Variants in SKAP2 observed in about 807,000 individuals in gnomAD.
The protein encoded by SKAP2 is src kinase-associated phosphoprotein 2.
In SKAP2, 28 loss-of-function variants were observed where a neutral mutation model predicts 54.9. That is an observed-to-expected ratio of 0.51 (90% confidence interval 0.38 to 0.70). The LOEUF is 0.70. SKAP2 is among the 30% of genes least tolerant of loss of function. The pLI is 0.00. For synonymous variants in SKAP2, 137 were observed against 134.3 expected, an observed-to-expected ratio of 1.02 and a Z score of -0.14; for missense variants, 356 against 424.1, an observed-to-expected ratio of 0.84 and a Z score of 1.41.
At chr7:26,737,959 A>AT (rs1456561173) in intron 6 of SKAP2, among the ~76,000 whole-genome samples, 1 of 152,162 alleles carries the variant, frequency 6.6e-6, no homozygotes, top group African/African-American at 2.4e-5. Flanking sequence ...AAAATCCCAA[A>AT]TTTGAGCTGG....
At chr7:26,694,369 T>C (rs944190902) in intron 9 of SKAP2, among the ~76,000 whole-genome samples, 5 of 152,284 alleles carry the variant, frequency 3.3e-5, no homozygotes, top group South Asian at 2.1e-4. Context: ...ATAAGCAGCT[T>C]GTATTTACAT....
downstream of SKAP2, among the ~76,000 whole-genome samples, chr7:26,665,193 T>G (rs979981836): frequency 3.3e-5 from 5 of 152,138 alleles, no homozygotes; most frequent in African/African-American, 1.2e-4. Flanking sequence ...AGGGCAGCAG[T>G]GATTTGAGAT....
chr7:26,757,698 C>A (rs999925712), intron 4 of SKAP2, among the ~76,000 whole-genome samples: 1 of 152,052 alleles, frequency 6.6e-6, no homozygotes, highest in African/African-American at 2.4e-5. Context: ...TAGTTTTTTC[C>A]AATTCTGTGA....
intron 6 of SKAP2, among the ~76,000 whole-genome samples, chr7:26,736,759 T>C (rs1026232235): frequency 6.6e-6 from 1 of 152,100 alleles, no homozygotes; most frequent in African/African-American, 2.4e-5. Flanking sequence ...GTAGTTAAAA[T>C]GCAAATTACA....
intron 4 of SKAP2, among the ~76,000 whole-genome samples, chr7:26,747,824 TCTC>T (rs758195024): frequency 1.3e-5 from 2 of 149,956 alleles, no homozygotes; most frequent in Admixed American, 6.7e-5. Context: ...TCTCCTCTCT[TCTC>T]CTCTCCTTTC....
At position 26,668,993 on chromosome 7, in the gene SKAP2, AT is replaced by A. The variant is rs1348175485; in HGVS notation, c.*672del. The A allele has an allele frequency of 1.3e-5, 2 of 152,122 alleles. No individual in the cohort carries two copies. Among genetic ancestry groups the A allele is most frequent in the African/African-American group, 4.8e-5 (2 of 41,424 alleles). The allele number at this position is 152,122 out of a possible 1,614,324, so 9.4% of individuals were successfully genotyped here. A position where few individuals can be genotyped will look rare whatever the true frequency, so the allele number is the denominator to read the frequency against. Reference sequence around the variant, plus strand: ...GCCAGGCCCATCATCGCACCAGGATATTTGTACGGTAAAATGCTTTGCATGA... The same window carrying A: ...GCCAGGCCCATCATCGCACCAGGATATTGTACGGTAAAATGCTTTGCATGA... On this transcript the variant is annotated 3_prime_UTR_variant, in exon 13 of 13. Transcript: ENST00000345317.
intron 9 of SKAP2, among the ~76,000 whole-genome samples, chr7:26,722,115 T>C (rs967119682): frequency 3.3e-5 from 5 of 152,218 alleles, no homozygotes; most frequent in African/African-American, 1.2e-4. Context: ...AGGATTAGGA[T>C]ATTTGAAGAA....
At chr7:26,850,243 A>G (rs17376018) in intron 3 of SKAP2, among the ~76,000 whole-genome samples, 32,380 of 152,084 alleles carry the variant, frequency 0.21, 3,539 homozygotes, top group Non-Finnish European at 0.24. Flanking sequence ...ATACTTTATA[A>G]TATGAGGCAA....
downstream of SKAP2, among the ~76,000 whole-genome samples, chr7:26,666,548 G>A (rs570906996): frequency 2.6e-4 from 40 of 152,174 alleles, no homozygotes; most frequent in Non-Finnish European, 4.7e-4. Flanking sequence ...AAGTGGTTGT[G>A]TAATGATAGC....
chr7:26,693,333 A>G (rs1188079001), intron 9 of SKAP2, among the ~76,000 whole-genome samples: 12 of 1,264 alleles, frequency 9.5e-3, no homozygotes, highest in Non-Finnish European at 0.042. Context: ...GCTCCATCTC[A>G]AAAAAAAAAA....
At chr7:26,655,721 T>C in the SKAP2 span, among the ~76,000 whole-genome samples, 1 of 152,242 alleles carries the variant, frequency 6.6e-6, no homozygotes, top group Non-Finnish European at 1.5e-5. Context: ...AAATAATGAC[T>C]GTCTACCTAT....
rs1157299927 is a variant in SKAP2 at position 26,739,533 on chromosome 7, G to A, written c.385+354C>T. 2.0e-5 allele frequency among the ~76,000 whole-genome samples: 3 copies of A among 152,316 alleles called. No homozygotes were observed. In the East Asian group the frequency reaches 5.8e-4, roughly 29 times the overall value. On this transcript the variant is annotated intron_variant, in intron 5 of 12. Coordinates refer to ENST00000345317, the MANE Select transcript of SKAP2 (RefSeq NM_003930.5). Reference sequence around the variant, plus strand: ...TTGATCTGAACCATGGTGCATGCCAGTTTGGGCATAGGAGAACCTGCTGCT... The same window carrying A: ...TTGATCTGAACCATGGTGCATGCCAATTTGGGCATAGGAGAACCTGCTGCT...
downstream of SKAP2, among the ~76,000 whole-genome samples, chr7:26,662,679 A>T (rs966434804): frequency 3.9e-5 from 6 of 152,182 alleles, no homozygotes; most frequent in Admixed American, 3.9e-4. Context: ...AGAATAAAGC[A>T]AATATGCTGA....
intron 11 of SKAP2, among the ~76,000 whole-genome samples, chr7:26,682,209 T>C (rs1197437495): frequency 6.6e-6 from 1 of 152,210 alleles, no homozygotes; most frequent in Non-Finnish European, 1.5e-5. Flanking sequence ...ACTTACAGTC[T>C]GAGTTTGCCA....
chr7:26,819,046 A>G (rs1016360521), intron 4 of SKAP2, among the ~76,000 whole-genome samples: 1 of 152,144 alleles, frequency 6.6e-6, no homozygotes, highest in Non-Finnish European at 1.5e-5. Flanking sequence ...CAGAAATACC[A>G]TTTGACCCAG....
chr7:26,710,863 G>A (rs941106860), intron 9 of SKAP2, among the ~76,000 whole-genome samples: 2 of 152,136 alleles, frequency 1.3e-5, no homozygotes, highest in Non-Finnish European at 2.9e-5. Context: ...TATATACGTT[G>A]TCTCAGCATC....
chr7:26,757,618 G>C (rs1382637638), intron 4 of SKAP2, among the ~76,000 whole-genome samples: 1 of 152,170 alleles, frequency 6.6e-6, no homozygotes, highest in South Asian at 2.1e-4. Context: ...GATGCCTCCA[G>C]CTTTGTTCTT....
At chr7:26,743,222 G>GAAAA (rs1782492784) in intron 4 of SKAP2, among the ~76,000 whole-genome samples, 1 of 152,086 alleles carries the variant, frequency 6.6e-6, no homozygotes, top group Admixed American at 6.6e-5. Flanking sequence ...GTTTTGCACT[G>GAAAA]GGTCTTAGTC....
chr7:26,656,137 C>T, the SKAP2 span, among the ~76,000 whole-genome samples: 6 of 152,084 alleles, frequency 3.9e-5, no homozygotes, highest in African/African-American at 1.4e-4. Flanking sequence ...GTGTAAATGC[C>T]GCAATTTACT....
Sources: gnomAD v4.1 joint callset for allele counts (sites outside exome capture counted in the v4.1 genomes callset) on GRCh38, gnomAD v4.1.1 for gene constraint, MANE v1.5 for transcripts, NCBI Gene and HGNC (gene_info 2026-07-23, HGNC 2026-07-21) for gene names.